PUS7: variants seen among roughly 807,000 people sequenced by gnomAD.
PUS7 encodes the protein pseudouridine synthase 7.
In PUS7, 48 loss-of-function variants were observed where a neutral mutation model predicts 79.8. That is an observed-to-expected ratio of 0.60 (90% CI 0.48 to 0.76). The LOEUF (loss-of-function observed/expected upper bound fraction) is 0.76, where lower values mean the gene tolerates loss of function less well. Ranked by LOEUF, PUS7 falls within the 30% of genes least tolerant of loss-of-function variation. The pLI, the probability that PUS7 is intolerant of heterozygous loss-of-function variation, is 0.00. For synonymous variants in PUS7, 286 were observed against 272.2 expected (o/e 1.05, Z -0.50); for missense variants, 729 against 797.6 (o/e 0.91, Z 1.04).
chr7:105,520,511 A>G (rs1477009230), intron 1 of PUS7, among the ~76,000 whole-genome samples: 7 of 138,792 alleles, frequency 5.0e-5, no homozygotes, highest in African/African-American at 1.8e-4. Flanking sequence ...ACAGAGCGAG[A>G]CTGTCTCAAA....
chr7:105,504,133 G>A (rs1456113039), intron 4 of PUS7, among the ~76,000 whole-genome samples: 2 of 146,656 alleles, frequency 1.4e-5, no homozygotes, highest in South Asian at 2.3e-4. Flanking sequence ...GCAATGGCAC[G>A]ATCTCGGCTC....
At chr7:105,462,809 CTAGAT>C (rs1323115362) in intron 13 of PUS7, 59 bp from the exon 14 acceptor site, 12 of 1,513,782 alleles carry the variant, frequency 7.9e-6, no homozygotes, top group Non-Finnish European at 1.1e-5. Context: ...TTATCCTGAA[CTAGAT>C]TATAAAGAGA....
rs1419828747 is a variant in PUS7 at position 105,460,650 on chromosome 7, C to G, written c.1758-1391G>C. Among the ~76,000 whole-genome samples the G allele has an allele frequency of 2.6e-5, 4 of 151,502 alleles. No homozygotes were observed. The South Asian group carries it at 8.4e-4, about 32-fold the overall frequency. On this transcript the variant is annotated intron_variant, in intron 14 of 15. Transcript: ENST00000469408. ...CGGGCGGATCACGAGGTCAGGAGAT[C>G]GAGACCATCCTGGCTAACAAGGTGA...
At chr7:105,475,217 G>A (rs984009165) in intron 9 of PUS7, among the ~76,000 whole-genome samples, 3 of 151,860 alleles carry the variant, frequency 2.0e-5, no homozygotes, top group Non-Finnish European at 4.4e-5. Context: ...ATGGAGTCTC[G>A]CTCTGTCACC....
intron 12 of PUS7, among the ~76,000 whole-genome samples, chr7:105,467,967 G>C (rs1221863783): frequency 6.6e-6 from 1 of 150,930 alleles, no homozygotes; most frequent in Non-Finnish European, 1.5e-5. Context: ...GCATCTCACT[G>C]TGTCACCTAG....
At chr7:105,463,217 G>C (rs1050302163) in intron 13 of PUS7, among the ~76,000 whole-genome samples, 3 of 152,194 alleles carry the variant, frequency 2.0e-5, no homozygotes. Flanking sequence ...GCACTCAAGA[G>C]AGACAGTTTT....
intron 7 of PUS7, among the ~76,000 whole-genome samples, chr7:105,490,805 G>C (rs1020289380): frequency 6.6e-6 from 1 of 152,168 alleles, no homozygotes; most frequent in Non-Finnish European, 1.5e-5. Flanking sequence ...TAGACCAGTG[G>C]TTCCCAATCG....
chr7:105,484,709 C>G (rs1029943512), intron 7 of PUS7, among the ~76,000 whole-genome samples: 1 of 150,898 alleles, frequency 6.6e-6, no homozygotes, highest in Non-Finnish European at 1.5e-5. Flanking sequence ...ATCCCAGCTA[C>G]TTGGGGGCTG....
At chr7:105,490,527 G>A (rs1824739531) in intron 7 of PUS7, among the ~76,000 whole-genome samples, 1 of 151,978 alleles carries the variant, frequency 6.6e-6, no homozygotes, top group African/African-American at 2.4e-5. Flanking sequence ...CTCCACCGGC[G>A]ATCCATAATC....
At chr7:105,493,851 A>G (rs1246425197) in intron 6 of PUS7, among the ~76,000 whole-genome samples, 1 of 152,232 alleles carries the variant, frequency 6.6e-6, no homozygotes, top group Non-Finnish European at 1.5e-5. Context: ...CTCTAGAAGC[A>G]TATGAAAAGT....
At position 105,505,984 on chromosome 7, in the gene PUS7, T is replaced by TGAATTG; in HGVS notation, c.555_556insCAATTC (p.Phe185_Lys186insGlnPhe). 6.2e-7 allele frequency: 1 copy of TGAATTG among 1,613,260 alleles called. No individual in the cohort carries two copies. The highest frequency in any genetic ancestry group is 8.5e-7 in the Non-Finnish European group (1 of 1,179,710). On this transcript the variant is annotated inframe_insertion, in exon 4 of 16. Transcript: ENST00000469408. Reference sequence around the variant, plus strand: ...ATGGCAACACTGGTTTCCTTATTTTTGAACAGCTGGAGCTCTTCCAATCGC... The same window carrying TGAATTG: ...ATGGCAACACTGGTTTCCTTATTTTTGAATTGGAACAGCTGGAGCTCTTCCAATCGC...
intron 1 of PUS7, among the ~76,000 whole-genome samples, chr7:105,521,793 G>C (rs1479013172): frequency 6.6e-6 from 1 of 152,104 alleles, no homozygotes; most frequent in African/African-American, 2.4e-5. Context: ...CCGGACGACT[G>C]GCCGGGCAGA....
At chr7:105,479,867 G>A (rs183217203) in intron 9 of PUS7, among the ~76,000 whole-genome samples, 36 of 152,204 alleles carry the variant, frequency 2.4e-4, no homozygotes, top group Admixed American at 2.2e-3. Flanking sequence ...GTGAGGTGGT[G>A]CATGCCTGCA....
chr7:105,500,867 A>G (rs367904958), intron 5 of PUS7, among the ~76,000 whole-genome samples: 9 of 152,186 alleles, frequency 5.9e-5, no homozygotes, highest in African/African-American at 1.9e-4. Context: ...TTATACCATG[A>G]CCCAGACATT....
Position 105,508,130 on chromosome 7 carries a change from C to T in PUS7, c.383G>A (p.Gly128Glu), listed in dbSNP as rs1237615317. 6.2e-7 allele frequency: 1 copy of T among 1,612,018 alleles called. No individual in the cohort carries two copies. The highest frequency in any genetic ancestry group is 1.7e-5 in the Admixed American group (1 of 59,738). Residue 128 changes from glycine to glutamate, a missense_variant, in exon 2 of 16, where the codon GGA becomes GAA. Gly to Glu is a moderately conservative substitution (Grantham distance 98, BLOSUM62 -2). Transcript: ENST00000469408. ...KFVSSHQGFS[G>E]ILKERYSDFV... is the part of the protein sequence containing the mutation. The stretch of plus-strand genomic sequence containing the variant: ...CTAAATGTACCTTTCTTTTAAGATT[C>T]CCGAGAACCCTTGATGAGAACTCAC...
At chr7:105,506,417 A>T in intron 2 of PUS7, 144 bp from the exon 3 acceptor site, 14 of 567,264 alleles carry the variant, frequency 2.5e-5, no homozygotes, top group East Asian at 3.2e-5. Flanking sequence ...CATGGAGTTA[A>T]TTTTTTTTTT....
chr7:105,478,133 A>G (rs563498047), intron 9 of PUS7, among the ~76,000 whole-genome samples: 1 of 152,324 alleles, frequency 6.6e-6, no homozygotes, highest in Non-Finnish European at 1.5e-5. Flanking sequence ...TTCAAGGTTC[A>G]TTCACGTTGC....
At chr7:105,479,590 T>C (rs1266157109) in intron 9 of PUS7, among the ~76,000 whole-genome samples, 3 of 152,328 alleles carry the variant, frequency 2.0e-5, no homozygotes, top group South Asian at 4.1e-4. Context: ...CAACTATTTA[T>C]TGATGGGATT....
Position 105,457,905 on chromosome 7 carries a change from T to C in PUS7, c.1871A>G (p.Lys624Arg). ...FASEGKYRAL[K>R]MDFSLPPSTY... ...AGAAGGGGGTAGAGAAAAATCCATT[T>C]TCAGAGCCCTGTATTTGCCTTCTGC... The change falls in exon 16 of 16, where the codon AAA (lysine) becomes AGA (arginine). Residue 624 changes from lysine (K) to arginine (R), a missense_variant. Lys to Arg is a conservative substitution (Grantham distance 26). Coordinates refer to ENST00000469408, the MANE Select transcript of PUS7 (RefSeq NM_019042.5). 2 of 1,613,970 alleles carry C rather than the reference T, an allele frequency of 1.2e-6. No homozygotes were observed. The highest frequency in any genetic ancestry group is 8.5e-7 in the Non-Finnish European group (1 of 1,179,910).
Sources: gnomAD v4.1 joint callset for allele counts (sites outside exome capture counted in the v4.1 genomes callset) on GRCh38, gnomAD v4.1.1 for gene constraint, MANE v1.5 for transcripts, NCBI Gene and HGNC (gene_info 2026-07-23, HGNC 2026-07-21) for gene names.